Variants in CYP4A11 observed in about 807,000 individuals in gnomAD.
CYP4A11 encodes cytochrome P450 4A11.
In CYP4A11, 52 loss-of-function variants were observed where a neutral mutation model predicts 57.7. The observed-to-expected ratio is 0.90, with a 90% CI of 0.72 to 1.14. The LOEUF is 1.14. Among genes scored for constraint, CYP4A11 ranks in the 50% most tolerant of loss-of-function variants. The probability of loss-of-function intolerance (pLI) is 0.00; values close to 1 mark genes in which losing one functional copy is unlikely to be tolerated. For missense variants in CYP4A11, 641 were observed against 642.1 expected (o/e 1.00, Z 0.02); for synonymous variants, 228 against 247.1 (o/e 0.92, Z 0.72).
intron 9 of CYP4A11, among the ~76,000 whole-genome samples, chr1:46,933,347 A>T (rs1247155402): frequency 6.6e-6 from 1 of 152,232 alleles, no homozygotes; most frequent in Non-Finnish European, 1.5e-5. Context: ...TCATTGGAGA[A>T]TATACATGAA....
chr1:46,929,980 A>G lies in CYP4A11; in HGVS notation c.*135T>C. On this transcript the variant is annotated 3_prime_UTR_variant, in exon 12 of 12. Coordinates refer to ENST00000310638, the MANE Select transcript of CYP4A11 (RefSeq NM_000778.4). ...TAGGGAGCCTGGAGAAAGGTGAGAG[A>G]GAGAAGGGCAGGCAGACTGGGGGAC... 1 of 1,168,656 alleles carries G rather than the reference A, an allele frequency of 8.6e-7. No individual in the cohort carries two copies. 72.4% of individuals were successfully genotyped at this position (1,168,656 alleles called of 1,614,324 possible). A position where few individuals can be genotyped will look rare whatever the true frequency, so the allele number is the denominator to read the frequency against.
rs764622628 is a variant in CYP4A11, at chr1:46,936,794, A to G, written c.383-3T>C. 2 of 1,596,400 alleles carry G rather than the reference A, an allele frequency of 1.3e-6. No individual in the cohort carries two copies. The highest frequency in any genetic ancestry group is 1.7e-6 in the Non-Finnish European group (2 of 1,174,310). Reference sequence around the variant, plus strand: ...ATTCAACAGGAGCAAGCCGTACCCTAAGAGAGACATGAATGTGTGTTTGTG... The same window carrying G: ...ATTCAACAGGAGCAAGCCGTACCCTGAGAGAGACATGAATGTGTGTTTGTG... On this transcript the variant is annotated splice_region_variant and splice_polypyrimidine_tract_variant and intron_variant, in intron 3 of 11. Transcript: ENST00000310638.
chr1:46,933,371 A>G (rs1423766229), intron 9 of CYP4A11, among the ~76,000 whole-genome samples: 1 of 152,200 alleles, frequency 6.6e-6, no homozygotes, highest in Non-Finnish European at 1.5e-5. Flanking sequence ...ACTCAGTACA[A>G]CAACGCTCCA....
rs776835348 is a variant in CYP4A11 at position 46,934,482 on chromosome 1, C to G, written c.868G>C (p.Asp290His). ...GCCAAGAGGAGGATATCCAGAAAAT[C>G]CAAATGCCTCTTCCTCTTGATCTTC... ...LEKIKRKRHL[D>H]FLDILLLAKM... is the part of the protein sequence containing the mutation. Residue 290 changes from aspartate to histidine, a missense_variant, in exon 7 of 12, where the codon GAT (aspartate) becomes CAT (histidine). Asp to His is a moderately conservative substitution (Grantham distance 81). Transcript: ENST00000310638. The G allele has an allele frequency of 6.8e-6, 11 of 1,613,894 alleles. 1 individual carries two copies. In the South Asian group the frequency reaches 1.2e-4, roughly 18 times the overall value.
At chr1:46,939,575 A>C (rs1166289894) in intron 1 of CYP4A11, among the ~76,000 whole-genome samples, 1 of 152,190 alleles carries the variant, frequency 6.6e-6, no homozygotes, top group African/African-American at 2.4e-5. Context: ...TCTCTCCCAG[A>C]AGAATCCCAC....
chr1:46,935,660 G>C lies in CYP4A11; in HGVS notation c.511-13C>G, dbSNP rs1681341555. ...CTTCCCATTTGTCCTGTGGTGGGAG[G>C]GGGCATGGACCTTCTTAATCTCCAA... On this transcript the variant is annotated splice_polypyrimidine_tract_variant and intron_variant, in intron 4 of 11. Coordinates refer to ENST00000310638, the MANE Select transcript of CYP4A11 (RefSeq NM_000778.4). The C allele has an allele frequency of 1.2e-6, 2 of 1,610,798 alleles. No individual in the cohort carries two copies. The highest frequency in any genetic ancestry group is 1.7e-5 in the Admixed American group (1 of 59,454).
In CYP4A11 at chr1:46,934,204, G is replaced by C; in HGVS notation, c.1060C>G (p.Leu354Val). ...GTGATGGAGGCTCCATCACCCAGGA[G>C]GCTGTGGATCTCCTCCCGGCACCTC... is the stretch of plus-strand genomic sequence containing the variant. ...QERCREEIHS[L>V]LGDGASITWN... The change falls in exon 8 of 12, where the codon CTC becomes GTC. Residue 354 changes from leucine to valine, a missense_variant. Leu to Val is a conservative substitution (Grantham distance 32, BLOSUM62 1). Transcript: ENST00000310638. 1 of 1,613,960 alleles carries C rather than the reference G, an allele frequency of 6.2e-7. No homozygotes were observed. The highest frequency in any genetic ancestry group is 8.5e-7 in the Non-Finnish European group (1 of 1,179,914).
At chr1:46,932,667 A>T (rs891777706) in intron 11 of CYP4A11, 94 bp downstream of exon 11, 2 of 1,607,612 alleles carry the variant, frequency 1.2e-6, no homozygotes, top group African/African-American at 2.7e-5. Flanking sequence ...ACACCTGAAG[A>T]TGCCACATAT....
intron 11 of CYP4A11, chr1:46,932,513 A>G (rs1681086005): frequency 7.2e-7 from 1 of 1,392,920 alleles, no homozygotes; most frequent in Non-Finnish European, 9.3e-7. Flanking sequence ...TGGAACATGC[A>G]CTGACAGTGA....
At chr1:46,940,884 G>A (rs1681707397) in intron 1 of CYP4A11, 1 of 985,276 alleles carries the variant, frequency 1.0e-6, no homozygotes, top group South Asian at 4.7e-5. Flanking sequence ...ATGGCATTGA[G>A]TGACTGGGCA....
At chr1:46,935,772 A>G (rs1205108544) in intron 4 of CYP4A11, 125 bp from the exon 5 acceptor site, 4 of 1,522,700 alleles carry the variant, frequency 2.6e-6, no homozygotes, top group Non-Finnish European at 3.5e-6. Flanking sequence ...CTTGGTTGGG[A>G]TTCCTCACTT....
At chr1:46,930,565 C>A (rs1396691887) in intron 11 of CYP4A11, among the ~76,000 whole-genome samples, 2 of 152,190 alleles carry the variant, frequency 1.3e-5, no homozygotes, top group Non-Finnish European at 2.9e-5. Context: ...CAGCCTGAAA[C>A]CCTCTATCAA....
In CYP4A11 at chr1:46,934,274, G is replaced by C. The variant is rs761743285; in HGVS notation, c.990C>G (p.Ile330Met). The C allele has an allele frequency of 1.1e-5, 18 of 1,612,784 alleles. No individual in the cohort carries two copies. The East Asian group carries it at 4.0e-4, about 36-fold the overall frequency. ...TGGCCAGAGCATAGAGGATCCAGGA[G>C]ATCCCACTGGCTGTGGTGTCGTGGC... ...FEGHDTTASG[I>M]SWILYALATH... Residue 330 changes from isoleucine (I) to methionine (M), a missense_variant, in exon 8 of 12, where the codon ATC becomes ATG. Physicochemically the swap from Ile to Met is conservative, Grantham distance 10 (BLOSUM62 1). Coordinates refer to ENST00000310638, the MANE Select transcript of CYP4A11 (RefSeq NM_000778.4).
rs558980003 is a variant in CYP4A11 at position 46,932,313 on chromosome 1, C to T, written c.1364+448G>A. On this transcript the variant is annotated intron_variant, in intron 11 of 11. Transcript: ENST00000310638. ...CAAAGACTTCAATGATTCATCTCTA[C>T]GACAGACTAGTGAATTAAATAGGGA... 4.9e-4 allele frequency: 502 copies of T among 1,033,510 alleles called. 5 individuals carry two copies. In the South Asian group the frequency reaches 6.2e-3, roughly 13 times the overall value. 64.0% of individuals were successfully genotyped at this position (1,033,510 alleles called of 1,614,324 possible).
rs1182258201 is a variant in CYP4A11, at chr1:46,930,079, C to T, written c.*36G>A. The T allele has an allele frequency of 1.6e-5, 26 of 1,577,034 alleles. 1 individual carries two copies. The highest frequency in any genetic ancestry group is 1.6e-4 in the South Asian group (14 of 84,984). ...TGGGCAGACAGGAAGGGGACAGAAGCGGGGGTCAGGAAGACAGGACGGCAG... is the reference window on the plus strand; with the variant it reads ...TGGGCAGACAGGAAGGGGACAGAAGTGGGGGTCAGGAAGACAGGACGGCAG... On this transcript the variant is annotated 3_prime_UTR_variant, in exon 12 of 12. Coordinates refer to ENST00000310638, the MANE Select transcript of CYP4A11 (RefSeq NM_000778.4).
At chr1:46,932,142 T>C in intron 11 of CYP4A11, 1 of 982,822 alleles carries the variant, frequency 1.0e-6, no homozygotes, top group Non-Finnish European at 1.2e-6. Flanking sequence ...CACTATATAA[T>C]GCAGTAAAAA....
At chr1:46,937,945 A>G (rs756285081) in intron 2 of CYP4A11, 51 bp downstream of exon 2, 4 of 1,606,818 alleles carry the variant, frequency 2.5e-6, no homozygotes, top group East Asian at 2.2e-5. Context: ...ACCCAGGAGC[A>G]TGTGTCAAGA....
chr1:46,935,981 G>A (rs1681365900), intron 4 of CYP4A11, among the ~76,000 whole-genome samples: 1 of 152,206 alleles, frequency 6.6e-6, no homozygotes, highest in Non-Finnish European at 1.5e-5. Flanking sequence ...TAAATAATGG[G>A]GGACTCTTCA....
At chr1:46,940,206 A>C (rs929388760) in intron 1 of CYP4A11, among the ~76,000 whole-genome samples, 3 of 152,054 alleles carry the variant, frequency 2.0e-5, no homozygotes, top group African/African-American at 7.2e-5. Flanking sequence ...TGGCTTTCCT[A>C]GGCCACATTG....
Sources: gnomAD v4.1 joint callset for allele counts (sites outside exome capture counted in the v4.1 genomes callset) on GRCh38, gnomAD v4.1.1 for gene constraint, MANE v1.5 for transcripts, NCBI Gene and HGNC (gene_info 2026-07-23, HGNC 2026-07-21) for gene names.